Variants in CYB5R3 observed in about 807,000 individuals in gnomAD.
CYB5R3 encodes NADH-cytochrome b5 reductase 3.
CYB5R3 carries 28 observed loss-of-function variants against 36.5 expected under a neutral mutation model. That is an observed-to-expected ratio of 0.77 (90% CI 0.57 to 1.05). The LOEUF (loss-of-function observed/expected upper bound fraction) is 1.05. Among genes scored for constraint, CYB5R3 ranks in the 50% least tolerant of loss-of-function variants. The pLI is 0.00. For missense variants in CYB5R3, 474 were observed against 408.9 expected, an observed-to-expected ratio of 1.16 and a Z score of -1.37; for synonymous variants, 181 against 159.8, an observed-to-expected ratio of 1.13 and a Z score of -1.00.
At chr22:42,634,899 G>T (rs1489130531) in intron 2 of CYB5R3, among the ~76,000 whole-genome samples, 1 of 150,684 alleles carries the variant, frequency 6.6e-6, no homozygotes, top group Non-Finnish European at 1.5e-5. Context: ...CCACCTCCCA[G>T]GTTCACGCCA....
intron 1 of CYB5R3, chr22:42,644,634 C>G: frequency 1.4e-6 from 2 of 1,441,578 alleles, no homozygotes; most frequent in Non-Finnish European, 1.8e-6. Flanking sequence ...AGTACTATTC[C>G]GAGGATTCCT....
chr22:42,649,071 C>T (rs562376645), intron 1 of CYB5R3, among the ~76,000 whole-genome samples: 77 of 152,218 alleles, frequency 5.1e-4, no homozygotes, highest in African/African-American at 1.7e-3. Context: ...GGCAGGAGGG[C>T]TGGGTCCCCG....
intron 1 of CYB5R3, among the ~76,000 whole-genome samples, chr22:42,638,750 A>AAAAAAAAAAAAAAAT: frequency 7.7e-6 from 1 of 130,096 alleles, no homozygotes; most frequent in African/African-American, 2.9e-5. Context: ...AAAAAAAAAA[A>AAAAAAAAAAAAAAAT]GGCCGGGCGC....
chr22:42,649,289 G>T lies in CYB5R3; in HGVS notation c.21+6C>A. The T allele has an allele frequency of 1.0e-6, 1 of 1,003,672 alleles. No individual in the cohort carries two copies. Among genetic ancestry groups the T allele is most frequent in the Non-Finnish European group, 1.2e-6 (1 of 836,846 alleles). The allele number at this position is 1,003,672 out of a possible 1,614,324, so 62.2% of individuals were successfully genotyped here. On this transcript the variant is annotated splice_donor_region_variant and intron_variant, in intron 1 of 8. Coordinates refer to ENST00000352397, the MANE Select transcript of CYB5R3 (RefSeq NM_000398.7). ...CCCGCGGCCCCGGCGCCCCCTCCCC[G>T]CCTACCGTGCTGAGCTGGGCCCCCA...
Position 42,636,805 on chromosome 22 carries a change from A to T in CYB5R3, c.63T>A (p.Ser21Arg), listed in dbSNP as rs370253340. ...MVLFPVWFLY[S>R]LLMKLFQRST... Reference sequence around the variant, plus strand: ...AGCGCTGGAACAGCTTCATGAGCAGACTGTACAGGAACCAGACTGGGAAGA... The same window carrying T: ...AGCGCTGGAACAGCTTCATGAGCAGTCTGTACAGGAACCAGACTGGGAAGA... Residue 21 changes from serine to arginine, a missense_variant, in exon 2 of 9, where the codon AGT (serine) becomes AGA (arginine). Physicochemically the swap from Ser to Arg is moderately radical, Grantham distance 110 (BLOSUM62 -1). Coordinates refer to ENST00000352397, the MANE Select transcript of CYB5R3 (RefSeq NM_000398.7). 78 of 1,613,844 alleles carry T rather than the reference A, an allele frequency of 4.8e-5. No individual in the cohort carries two copies. Among genetic ancestry groups the T allele is most frequent in the Admixed American group, 5.0e-5 (3 of 59,998 alleles).
chr22:42,620,508 C>T (rs1297310881), intron 8 of CYB5R3, among the ~76,000 whole-genome samples: 5 of 152,108 alleles, frequency 3.3e-5, no homozygotes, highest in Non-Finnish European at 4.4e-5. Flanking sequence ...TGTGTCCTGC[C>T]CCCTCGAGCC....
Position 42,636,787 on chromosome 22 carries a change from G to C in CYB5R3, c.81C>G (p.Phe27Leu). 6.2e-7 allele frequency: 1 copy of C among 1,613,952 alleles called. No individual in the cohort carries two copies. Among genetic ancestry groups the C allele is most frequent in the Non-Finnish European group, 8.5e-7 (1 of 1,179,994 alleles). ...WFLYSLLMKL[F>L]QRSTPAITLE... is the part of the protein sequence containing the mutation. Reference sequence around the variant, plus strand: ...GGGTGATGGCTGGCGTGGAGCGCTGGAACAGCTTCATGAGCAGACTGTACA... The same window carrying C: ...GGGTGATGGCTGGCGTGGAGCGCTGCAACAGCTTCATGAGCAGACTGTACA... Residue 27 changes from phenylalanine (F) to leucine (L), a missense_variant, in exon 2 of 9, where the codon TTC becomes TTG. By Grantham distance (22) the Phe-to-Leu change is conservative (BLOSUM62 0). Transcript: ENST00000352397.
At chr22:42,646,062 T>C (rs1929521484) in intron 1 of CYB5R3, among the ~76,000 whole-genome samples, 1 of 152,148 alleles carries the variant, frequency 6.6e-6, no homozygotes, top group South Asian at 2.1e-4. Flanking sequence ...ACTCTCTTCC[T>C]ACCCACACGG....
At chr22:42,646,712 C>A (rs8190386) in intron 1 of CYB5R3, 1 of 985,614 alleles carries the variant, frequency 1.0e-6, no homozygotes, top group Non-Finnish European at 1.2e-6. Flanking sequence ...CTGTTCTAAC[C>A]GGGAGGAAGT....
At chr22:42,631,525 C>A (rs919565774) in intron 2 of CYB5R3, 75 bp from the exon 3 acceptor site, 12 of 1,309,118 alleles carry the variant, frequency 9.2e-6, no homozygotes, top group Non-Finnish European at 1.2e-5. Flanking sequence ...GCCTCGGAGC[C>A]CCCATCCCAT....
Position 42,618,518 on chromosome 22 carries a change from C to T in CYB5R3, c.*1255G>A, listed in dbSNP as rs1460026546. On this transcript the variant is annotated 3_prime_UTR_variant, in exon 9 of 9. Coordinates refer to ENST00000352397, the MANE Select transcript of CYB5R3 (RefSeq NM_000398.7). ...CGCCACTGCACTCCAGCCTGGGCGACAGAGCGAGACTCCGTCTCAAAAAAA... is the reference window on the plus strand; with the variant it reads ...CGCCACTGCACTCCAGCCTGGGCGATAGAGCGAGACTCCGTCTCAAAAAAA... 3.4e-5 allele frequency: 4 copies of T among 118,158 alleles called. No individual in the cohort carries two copies. Among genetic ancestry groups the T allele is most frequent in the African/African-American group, 1.5e-4 (4 of 27,094 alleles). The allele number at this position is 118,158 out of a possible 1,614,324, so 7.3% of individuals were successfully genotyped here.
chr22:42,622,873 T>C lies in CYB5R3; in HGVS notation c.733+916A>G, dbSNP rs139520999. ...GGCAGGACATGAGACCCCAAACTGG[T>C]GCTCACACGGGTATTCAAAAATGGT... On this transcript the variant is annotated intron_variant, in intron 8 of 8. Coordinates refer to ENST00000352397, the MANE Select transcript of CYB5R3 (RefSeq NM_000398.7). Among the ~76,000 whole-genome samples the C allele has an allele frequency of 5.7e-3, 875 of 152,340 alleles. 8 individuals are homozygous for C. The highest frequency in any genetic ancestry group is 0.024 in the Middle Eastern group (7 of 294).
rs67349863 is a variant in CYB5R3 at position 42,638,728 on chromosome 22, TAAAAAAAAAAA to T, written c.22-1893_22-1883del. Among the ~76,000 whole-genome samples, 2 of 47,488 alleles carry T rather than the reference TAAAAAAAAAAA, an allele frequency of 4.2e-5. 1 individual carries two copies. The highest frequency in any genetic ancestry group is 2.2e-4 in the African/African-American group (2 of 9,072). The allele number at this position is 47,488 out of a possible 152,430, so 31.2% of individuals were successfully genotyped here. On this transcript the variant is annotated intron_variant, in intron 1 of 8. Coordinates refer to ENST00000352397, the MANE Select transcript of CYB5R3 (RefSeq NM_000398.7). ...GCCTGGGAGACAGAGCAAGACTCCA[TAAAAAAAAAAA>T]AAAAAAAAAAAGGCCGGGCGCGGTG...
chr22:42,641,624 T>C (rs1929278209), intron 1 of CYB5R3, among the ~76,000 whole-genome samples: 1 of 152,170 alleles, frequency 6.6e-6, no homozygotes, highest in Admixed American at 6.5e-5. Context: ...TGGGTGGGAT[T>C]ACAGGCGCCC....
Position 42,620,634 on chromosome 22 carries a change from C to A in CYB5R3, c.734-689G>T, listed in dbSNP as rs8190469. Among the ~76,000 whole-genome samples the A allele has an allele frequency of 4.3e-3, 659 of 152,316 alleles. 2 individuals are homozygous for A. Among genetic ancestry groups the A allele is most frequent in the Admixed American group, 8.6e-3 (132 of 15,296 alleles). ...AAGCCTCAGGCCAGGAGGGCTGGCA[C>A]TGGCTGACACAGACACCCTGCCTAG... On this transcript the variant is annotated intron_variant, in intron 8 of 8. Coordinates refer to ENST00000352397, the MANE Select transcript of CYB5R3 (RefSeq NM_000398.7).
At chr22:42,632,329 T>C (rs900714957) in intron 2 of CYB5R3, 1 of 152,174 alleles carries the variant, frequency 6.6e-6, no homozygotes, top group Non-Finnish European at 1.5e-5. Flanking sequence ...CATCCAAACG[T>C]GGCAAAGTCC....
chr22:42,624,874 C>T (rs1299384424), intron 7 of CYB5R3, among the ~76,000 whole-genome samples: 2 of 152,146 alleles, frequency 1.3e-5, no homozygotes, highest in Non-Finnish European at 2.9e-5. Flanking sequence ...GAACTGCACC[C>T]ACCCTCCGCG....
intron 1 of CYB5R3, among the ~76,000 whole-genome samples, chr22:42,641,139 G>A (rs1353226213): frequency 3.3e-5 from 5 of 152,186 alleles, no homozygotes; most frequent in African/African-American, 7.2e-5. Flanking sequence ...ACAGGCGTGA[G>A]CCACCACGCC....
chr22:42,627,782 T>C lies in CYB5R3; in HGVS notation c.464-94A>G, dbSNP rs1474548887. 5.1e-5 allele frequency: 48 copies of C among 943,686 alleles called. 1 individual carries two copies. In the South Asian group the frequency reaches 5.8e-4, roughly 11 times the overall value. 58.5% of individuals were successfully genotyped at this position (943,686 alleles called of 1,614,324 possible). A position where few individuals can be genotyped will look rare whatever the true frequency, so the allele number is the denominator to read the frequency against. On this transcript the variant is annotated intron_variant, in intron 5 of 8. Transcript: ENST00000352397. ...AGGGGGCTGGAGAACCTGCCCCCACTGTGAGGTCCGAGGTAGAGGCAGCTG... is the reference window on the plus strand; with the variant it reads ...AGGGGGCTGGAGAACCTGCCCCCACCGTGAGGTCCGAGGTAGAGGCAGCTG...
Sources: allele counts gnomAD v4.1 joint callset (sites outside exome capture counted in the v4.1 genomes callset), GRCh38; gene constraint gnomAD v4.1.1; transcripts MANE v1.5; gene names NCBI Gene and HGNC (gene_info 2026-07-23, HGNC 2026-07-21).